The following MYO1E variants were observed in gnomAD, a reference collection of about 807,000 sequenced individuals.
MYO1E encodes myosin IE, also known as unconventional myosin-Ie.
In MYO1E, 68 loss-of-function variants were observed where a neutral mutation model predicts 151.1. That is an observed-to-expected ratio of 0.45 (90% CI 0.37 to 0.55). MYO1E has a LOEUF of 0.55. Ranked by LOEUF, MYO1E falls within the 20% of genes least tolerant of loss-of-function variation. The probability of loss-of-function intolerance (pLI) is 0.00; values close to 1 mark genes in which losing one functional copy is unlikely to be tolerated. For missense variants in MYO1E, 1,363 were observed against 1,389.3 expected, an observed-to-expected ratio of 0.98 and a Z score of 0.30; for synonymous variants, 601 against 501.7, an observed-to-expected ratio of 1.20 and a Z score of -2.64.
chr15:59,142,338 C>G (rs187744456), intron 26 of MYO1E, among the ~76,000 whole-genome samples: 1 of 152,202 alleles, frequency 6.6e-6, no homozygotes, highest in African/African-American at 2.4e-5. Flanking sequence ...AGTATGGGGG[C>G]TTAGATACAG....
intron 1 of MYO1E, among the ~76,000 whole-genome samples, chr15:59,300,315 G>GAC (rs1214320696): frequency 7.2e-5 from 10 of 138,844 alleles, no homozygotes; most frequent in South Asian, 2.3e-4. Flanking sequence ...CACACACACA[G>GAC]ACACACACAC....
chr15:59,369,885 A>ACACG (rs1400697611), intron 1 of MYO1E, among the ~76,000 whole-genome samples: 4 of 152,208 alleles, frequency 2.6e-5, no homozygotes, highest in African/African-American at 4.8e-5. Context: ...CCTAAAAGAC[A>ACACG]CACGCACACA....
rs2080067147 is a variant in MYO1E, at chr15:59,236,488, G to A, written c.420+97C>T. ...GTTTCACAGTTATAGAAGAACCAGT[G>A]TCTTTTCTGTGGAAGAAAAATTCTT... On this transcript the variant is annotated intron_variant, in intron 5 of 27. Coordinates refer to ENST00000288235, the MANE Select transcript of MYO1E (RefSeq NM_004998.4). 5 of 993,564 alleles carry A rather than the reference G, an allele frequency of 5.0e-6. No homozygotes were observed. The South Asian group carries it at 6.6e-5, about 13-fold the overall frequency. 61.5% of individuals were successfully genotyped at this position (993,564 alleles called of 1,614,324 possible).
chr15:59,370,529 G>A (rs760963456), intron 1 of MYO1E, among the ~76,000 whole-genome samples: 7 of 152,108 alleles, frequency 4.6e-5, no homozygotes, highest in South Asian at 4.2e-4. Context: ...TAGTCGCCTG[G>A]GGGCACACAA....
chr15:59,156,323 T>A (rs2079509553), intron 25 of MYO1E, among the ~76,000 whole-genome samples: 1 of 152,214 alleles, frequency 6.6e-6, no homozygotes. Flanking sequence ...TAGCTGGGAT[T>A]ACAGGTGTGC....
chr15:59,263,338 T>C, intron 2 of MYO1E, among the ~76,000 whole-genome samples: 1 of 152,220 alleles, frequency 6.6e-6, no homozygotes, highest in East Asian at 1.9e-4. Flanking sequence ...CACTCAGCAC[T>C]GTGAGCACAG....
chr15:59,347,563 C>G (rs1283025653), intron 1 of MYO1E, among the ~76,000 whole-genome samples: 1 of 151,642 alleles, frequency 6.6e-6, no homozygotes, highest in East Asian at 1.9e-4. Context: ...TAAAGTCTTG[C>G]CAAAAATAAA....
intron 26 of MYO1E, among the ~76,000 whole-genome samples, chr15:59,147,318 G>C (rs1200260191): frequency 6.6e-6 from 1 of 152,112 alleles, no homozygotes; most frequent in Non-Finnish European, 1.5e-5. Flanking sequence ...AGACCGTGGA[G>C]GCCAGGTGCA....
intron 12 of MYO1E, among the ~76,000 whole-genome samples, chr15:59,213,357 G>A (rs1313755016): frequency 6.6e-6 from 1 of 151,850 alleles, no homozygotes; most frequent in African/African-American, 2.4e-5. Context: ...TTTTAGTAGA[G>A]ACGGGGTTTC....
intron 22 of MYO1E, among the ~76,000 whole-genome samples, chr15:59,167,533 A>C (rs1229567864): frequency 6.6e-6 from 1 of 152,066 alleles, no homozygotes; most frequent in African/African-American, 2.4e-5. Flanking sequence ...TCCTTCAAAA[A>C]CCCAGGCATG....
At chr15:59,295,289 A>G (rs184974574) in intron 1 of MYO1E, among the ~76,000 whole-genome samples, 1 of 152,158 alleles carries the variant, frequency 6.6e-6, no homozygotes, top group East Asian at 1.9e-4. Flanking sequence ...AAACAAGGAG[A>G]GTAAAGGCAT....
At chr15:59,293,831 C>A (rs2080433986) in intron 1 of MYO1E, among the ~76,000 whole-genome samples, 1 of 151,814 alleles carries the variant, frequency 6.6e-6, no homozygotes, top group Admixed American at 6.6e-5. Flanking sequence ...TCACTTGAGC[C>A]TAGGAGTTTG....
At chr15:59,198,544 A>G (rs980091909) in intron 16 of MYO1E, among the ~76,000 whole-genome samples, 3 of 152,182 alleles carry the variant, frequency 2.0e-5, no homozygotes, top group Non-Finnish European at 4.4e-5. Flanking sequence ...GGCTGGGTGC[A>G]ACGGCTCACT....
rs2079373943 is a variant in MYO1E at position 59,136,520 on chromosome 15, G to A, written c.*860C>T. ...CAGAGCACATCTTTAAGTACCTGGT[G>A]TGAGTTTTGTAAGAAAACCTACCTT... On this transcript the variant is annotated 3_prime_UTR_variant, in exon 28 of 28. Coordinates refer to ENST00000288235, the MANE Select transcript of MYO1E (RefSeq NM_004998.4). 6.2e-6 allele frequency: 2 copies of A among 322,260 alleles called. No homozygotes were observed. Among genetic ancestry groups the A allele is most frequent in the South Asian group, 2.6e-5 (1 of 38,880 alleles). 20.0% of individuals were successfully genotyped at this position (322,260 alleles called of 1,614,324 possible).
chr15:59,138,429 G>C lies in MYO1E; in HGVS notation c.3081-62C>G, dbSNP rs547382672. On this transcript the variant is annotated intron_variant, in intron 26 of 27. Coordinates refer to ENST00000288235, the MANE Select transcript of MYO1E (RefSeq NM_004998.4). ...ACAGGGGGCAGCAGCACCGAACGGT[G>C]GTTTGGAGCATGGCGGCCGGCACTG... The C allele has an allele frequency of 6.4e-4, 1,017 of 1,584,918 alleles. 6 individuals carry two copies. The highest frequency in any genetic ancestry group is 3.2e-3 in the South Asian group (285 of 90,344).
chr15:59,233,706 G>A (rs537472040), intron 5 of MYO1E, among the ~76,000 whole-genome samples: 3 of 144,500 alleles, frequency 2.1e-5, no homozygotes, highest in African/African-American at 7.5e-5. Flanking sequence ...CAGCATCCTG[G>A]ATTCTTGTCT....
chr15:59,357,051 GCC>G (rs1167696972), intron 1 of MYO1E, among the ~76,000 whole-genome samples: 78 of 141,726 alleles, frequency 5.5e-4, no homozygotes, highest in Admixed American at 6.3e-4. Context: ...GATTACAGGC[GCC>G]CACCACCACA....
At chr15:59,336,437 T>C (rs2080728990) in intron 1 of MYO1E, among the ~76,000 whole-genome samples, 1 of 152,094 alleles carries the variant, frequency 6.6e-6, no homozygotes, top group Non-Finnish European at 1.5e-5. Context: ...TAAGGTTTAT[T>C]TATGTCCCTT....
intron 7 of MYO1E, among the ~76,000 whole-genome samples, chr15:59,225,065 A>G (rs2079981191): frequency 6.6e-6 from 1 of 152,240 alleles, no homozygotes; most frequent in Admixed American, 6.5e-5. Context: ...AAGGAACTGG[A>G]CTGCCACCCT....
Sources: allele counts gnomAD v4.1 joint callset (sites outside exome capture counted in the v4.1 genomes callset), GRCh38; gene constraint gnomAD v4.1.1; transcripts MANE v1.5; gene names NCBI Gene and HGNC (gene_info 2026-07-23, HGNC 2026-07-21).